The following NAA38 variants were observed in gnomAD, a reference collection of about 807,000 sequenced individuals.
NAA38 encodes LSM domain containing 1.
A neutral mutation model predicts 12.6 loss-of-function variants in NAA38; 15 were observed. That is an observed-to-expected ratio of 1.19 (90% confidence interval 0.79 to 1.83). The LOEUF (loss-of-function observed/expected upper bound fraction) is 1.83, where lower values mean the gene tolerates loss of function less well. Among genes scored for constraint, NAA38 ranks in the 40% most tolerant of loss-of-function variants. NAA38 has a pLI of 0.00. For missense variants in NAA38, 183 were observed against 171.7 expected, an observed-to-expected ratio of 1.07 and a Z score of -0.37; for synonymous variants, 88 against 69.9, an observed-to-expected ratio of 1.26 and a Z score of -1.29.
In NAA38 at chr17:7,857,004, C is replaced by T. The variant is rs200652901; in HGVS notation, c.265+11G>A. 1.9e-6 allele frequency: 3 copies of T among 1,599,610 alleles called. No homozygotes were observed. Among genetic ancestry groups the T allele is most frequent in the South Asian group, 1.1e-5 (1 of 90,424 alleles). The stretch of plus-strand genomic sequence containing the variant: ...CATTACCAGGCGGGTGTGCATTCCC[C>T]GGGCACTGACCCGACGGCTTGAGGA... On this transcript the variant is annotated intron_variant, in intron 2 of 2. Coordinates refer to ENST00000575771, the MANE Select transcript of NAA38 (RefSeq NM_001320925.4).
intron 3 of NAA38, chr17:7,863,971 C>A (rs1469730163): frequency 6.6e-6 from 1 of 152,128 alleles, no homozygotes; most frequent in Non-Finnish European, 1.5e-5. Context: ...TACTACTGTA[C>A]CAAATGTTAA....
upstream of NAA38, chr17:7,861,121 TAAG>T (rs2078879922): frequency 1.3e-5 from 2 of 151,884 alleles, no homozygotes; most frequent in African/African-American, 4.8e-5. Flanking sequence ...TCCTTTAACT[TAAG>T]GAGGGGAGAT....
At chr17:7,884,823 G>A in intron 1 of NAA38, 1 of 899,118 alleles carries the variant, frequency 1.1e-6, no homozygotes, top group East Asian at 3.4e-5. Context: ...TCCCCTCTGA[G>A]GGACGAGGAG....
At chr17:7,866,571 C>G in intron 2 of NAA38, 1 of 1,179,204 alleles carries the variant, frequency 8.5e-7, no homozygotes, top group Non-Finnish European at 1.1e-6. Context: ...GAAATGCCCC[C>G]CAAGCTTTGC....
chr17:7,883,474 G>A (rs901423334), intron 1 of NAA38: 1 of 151,960 alleles, frequency 6.6e-6, no homozygotes, highest in East Asian at 1.9e-4. Flanking sequence ...TTGGAGGAGG[G>A]GAAAGCGAGG....
chr17:7,884,792 G>C, intron 1 of NAA38: 1 of 405,838 alleles, frequency 2.5e-6, no homozygotes, highest in Non-Finnish European at 3.9e-6. Flanking sequence ...GTGGTGGGGG[G>C]GCCAGAGCCA....
rs759738955 is a variant in NAA38 at position 7,885,025 on chromosome 17, C to CCCGCCGCCG, written c.-167+131_-167+139dup. On this transcript the variant is annotated intron_variant, in intron 1 of 4. Coordinates refer to the NAA38 transcript ENST00000576861. Reference sequence around the variant, plus strand: ...ACAGCCCCCCCGGCTGCCACCTCTTCCCGCCGCCGCCGCCGCCGCCGCCAC... The same window carrying CCCGCCGCCG: ...ACAGCCCCCCCGGCTGCCACCTCTTCCCGCCGCCGCCGCCGCCGCCGCCGCCGCCGCCAC... 1.7e-4 allele frequency: 195 copies of CCCGCCGCCG among 1,161,208 alleles called. No individual in the cohort carries two copies. The highest frequency in any genetic ancestry group is 3.6e-4 in the Admixed American group (8 of 21,960). The allele number at this position is 1,161,208 out of a possible 1,614,324, so 71.9% of individuals were successfully genotyped here. A position where few individuals can be genotyped will look rare whatever the true frequency, so the allele number is the denominator to read the frequency against.
Position 7,857,365 on chromosome 17 carries a change from A to C in NAA38, c.81+18T>G, listed in dbSNP as rs112332091. On this transcript the variant is annotated intron_variant, in intron 1 of 2. Transcript: ENST00000575771. The stretch of plus-strand genomic sequence containing the variant: ...TGCTTGACTGCCCCTCAGTCCCAGA[A>C]CCAGAGCCCGTGCTAACCCCAGCAC... 5.0e-6 allele frequency: 8 copies of C among 1,612,814 alleles called. 1 individual carries two copies. The African/African-American group carries it at 9.3e-5, about 19-fold the overall frequency.
chr17:7,870,162 T>C (rs1019586730), intron 2 of NAA38, among the ~76,000 whole-genome samples: 6 of 152,198 alleles, frequency 3.9e-5, no homozygotes, highest in African/African-American at 1.2e-4. Context: ...CTCCAGAAGC[T>C]GAGGTGGGAG....
At chr17:7,859,419 G>C (rs755083528), upstream of NAA38, 2 of 1,614,096 alleles carry the variant, frequency 1.2e-6, no homozygotes, top group Non-Finnish European at 1.7e-6. Context: ...ATCCTACACC[G>C]CTATCTCCCC....
Position 7,856,829 on chromosome 17 carries a change from C to T in NAA38, c.280G>A (p.Gly94Arg), listed in dbSNP as rs775372148. Residue 94 changes from glycine to arginine, a missense_variant, in exon 3 of 3, where the codon GGG (glycine) becomes AGG (arginine). By Grantham distance (125) the Gly-to-Arg change is moderately radical. Coordinates refer to ENST00000575771, the MANE Select transcript of NAA38 (RefSeq NM_001320925.4). ...GCCAGGCCCAGCACACGGGGCTCCC[C>T]GGCAGAGAAGGAATCTGGAAAGAAG... ...FLKPSDSFSA[G>R]EPRVLGLAMV... is the part of the protein sequence containing the mutation. 3.7e-6 allele frequency: 6 copies of T among 1,613,756 alleles called. No individual in the cohort carries two copies. The highest frequency in any genetic ancestry group is 1.7e-4 in the Middle Eastern group (1 of 6,060).
chr17:7,869,769 A>C (rs1436197776), intron 2 of NAA38, among the ~76,000 whole-genome samples: 1 of 152,014 alleles, frequency 6.6e-6, no homozygotes, highest in Non-Finnish European at 1.5e-5. Context: ...TCTCCAAAAA[A>C]AAGAAAAGAA....
chr17:7,865,701 T>A (rs1597877708), intron 3 of NAA38: 1 of 152,018 alleles, frequency 6.6e-6, no homozygotes, highest in East Asian at 1.9e-4. Context: ...AAGAAGAACA[T>A]GTGGGATGTG....
intron 1 of NAA38, chr17:7,885,049 A>ACCGCTGCCCCCGCCG: frequency 9.8e-7 from 1 of 1,019,404 alleles, no homozygotes; most frequent in Non-Finnish European, 1.2e-6. Context: ...CGCCGCCGCC[A>ACCGCTGCCCCCGCCG]CCGCTGCCCC....
upstream of NAA38, chr17:7,859,515 G>A (rs1161984212): frequency 5.0e-6 from 8 of 1,614,162 alleles, no homozygotes; most frequent in South Asian, 1.1e-5. Context: ...AATGGGATCC[G>A]GGATGAGGAG....
intron 2 of NAA38, among the ~76,000 whole-genome samples, chr17:7,868,092 T>C (rs1043227978): frequency 1.3e-5 from 2 of 152,134 alleles, no homozygotes; most frequent in Non-Finnish European, 2.9e-5. Context: ...GCTAGAGTTA[T>C]AGGTGTGGGA....
chr17:7,871,837 T>G lies in NAA38; in HGVS notation c.-65-5279A>C, dbSNP rs542566807. Reference sequence around the variant, plus strand: ...GCCTGGCTATTTTTTGTATTTTTAGTAGTGATGGGGTTTCACCACGTTGGC... The same window carrying G: ...GCCTGGCTATTTTTTGTATTTTTAGGAGTGATGGGGTTTCACCACGTTGGC... On this transcript the variant is annotated intron_variant, in intron 2 of 4. Transcript: ENST00000576861. Among the ~76,000 whole-genome samples, 6 of 152,266 alleles carry G rather than the reference T, an allele frequency of 3.9e-5. No individual in the cohort carries two copies. The South Asian group carries it at 1.2e-3, about 32-fold the overall frequency.
upstream of NAA38, chr17:7,859,406 G>A (rs1484829953): frequency 6.2e-7 from 1 of 1,614,074 alleles, no homozygotes; most frequent in African/African-American, 1.3e-5. Flanking sequence ...GTCCATATGG[G>A]AAATCCTACA....
intron 2 of NAA38, among the ~76,000 whole-genome samples, chr17:7,868,822 C>A (rs1967033951): frequency 6.6e-6 from 1 of 152,222 alleles, no homozygotes; most frequent in Non-Finnish European, 1.5e-5. Context: ...GTATCTGTGA[C>A]TAACATTCAG....
Sources: allele counts gnomAD v4.1 joint callset (sites outside exome capture counted in the v4.1 genomes callset), GRCh38; gene constraint gnomAD v4.1.1; transcripts MANE v1.5; gene names NCBI Gene and HGNC (gene_info 2026-07-23, HGNC 2026-07-21).